Variants in CCSER1 observed in about 807,000 individuals in gnomAD.
CCSER1 encodes the protein serine-rich coiled-coil domain-containing protein 1.
In CCSER1, 41 loss-of-function variants were observed where a neutral mutation model predicts 82.0. That is an observed-to-expected ratio of 0.50 (90% CI 0.39 to 0.65). The LOEUF is 0.65. Ranked by LOEUF, CCSER1 falls within the 30% of genes least tolerant of loss-of-function variation. CCSER1 has a pLI of 0.00. For missense variants in CCSER1, 1,119 were observed against 1,064.2 expected (o/e 1.05, Z -0.72); for synonymous variants, 414 against 383.9 (o/e 1.08, Z -0.92).
intron 10 of CCSER1, among the ~76,000 whole-genome samples, chr4:91,409,945 G>T (rs78846623): frequency 6.6e-6 from 1 of 152,136 alleles, no homozygotes; most frequent in Non-Finnish European, 1.5e-5. Flanking sequence ...GCCTCAGGCC[G>T]TTTACCACAT....
intron 6 of CCSER1, among the ~76,000 whole-genome samples, chr4:90,669,080 A>C (rs1019415998): frequency 6.6e-6 from 1 of 152,076 alleles, no homozygotes; most frequent in Non-Finnish European, 1.5e-5. Context: ...CAATGGAAAT[A>C]TTAAGTGGAA....
At chr4:91,544,946 T>C (rs1469122205) in intron 10 of CCSER1, among the ~76,000 whole-genome samples, 1 of 152,128 alleles carries the variant, frequency 6.6e-6, no homozygotes, top group African/African-American at 2.4e-5. Context: ...TGAGATGCGG[T>C]GGGCTCCATC....
At chr4:90,722,290 T>C (rs1238860377) in intron 6 of CCSER1, among the ~76,000 whole-genome samples, 5 of 151,884 alleles carry the variant, frequency 3.3e-5, no homozygotes, top group African/African-American at 1.2e-4. Context: ...ATAATTCAAC[T>C]ATGAACGAAC....
At chr4:91,223,271 A>C (rs1459069261) in intron 10 of CCSER1, among the ~76,000 whole-genome samples, 1 of 152,140 alleles carries the variant, frequency 6.6e-6, no homozygotes, top group Non-Finnish European at 1.5e-5. Flanking sequence ...TAGAAATCAA[A>C]TAAATTTTGA....
intron 3 of CCSER1, among the ~76,000 whole-genome samples, chr4:90,382,287 G>A (rs1749324985): frequency 6.6e-6 from 1 of 151,902 alleles, no homozygotes; most frequent in African/African-American, 2.4e-5. Context: ...AATGAATATT[G>A]ACATGTATAT....
intron 10 of CCSER1, among the ~76,000 whole-genome samples, chr4:91,472,160 A>G (rs1757317865): frequency 6.6e-6 from 1 of 152,072 alleles, no homozygotes. Flanking sequence ...ATTCACTTGT[A>G]CTTTATCAAT....
At chr4:91,434,124 A>G (rs1296517827) in intron 10 of CCSER1, among the ~76,000 whole-genome samples, 3 of 152,210 alleles carry the variant, frequency 2.0e-5, no homozygotes, top group African/African-American at 4.8e-5. Flanking sequence ...TTCAGAAGGA[A>G]TAAAAGTCAT....
intron 10 of CCSER1, among the ~76,000 whole-genome samples, chr4:91,565,375 C>A (rs1762840989): frequency 6.6e-6 from 1 of 151,912 alleles, no homozygotes; most frequent in South Asian, 2.1e-4. Context: ...ATTGCCTTGG[C>A]TGTTCAGGCT....
intron 10 of CCSER1, among the ~76,000 whole-genome samples, chr4:91,242,553 AC>A (rs1370527507): frequency 6.6e-6 from 1 of 152,206 alleles, no homozygotes; most frequent in Non-Finnish European, 1.5e-5. Flanking sequence ...CTGCAAGAAA[AC>A]ATATGAGAAA....
chr4:90,155,041 TG>T (rs1727779369), intron 1 of CCSER1, among the ~76,000 whole-genome samples: 1 of 152,204 alleles, frequency 6.6e-6, no homozygotes, highest in South Asian at 2.1e-4. Flanking sequence ...CTTATTATTT[TG>T]AGATACATCC....
chr4:90,279,123 C>T (rs1056752360), intron 1 of CCSER1, among the ~76,000 whole-genome samples: 2 of 152,008 alleles, frequency 1.3e-5, no homozygotes, highest in Non-Finnish European at 2.9e-5. Flanking sequence ...CTTCACTCTA[C>T]GTAGCTCCAC....
chr4:91,061,164 G>A (rs1743916274), intron 9 of CCSER1, among the ~76,000 whole-genome samples: 1 of 151,616 alleles, frequency 6.6e-6, no homozygotes, highest in Non-Finnish European at 1.5e-5. Flanking sequence ...CATCTCATTA[G>A]TATCGATAAT....
chr4:91,475,154 CTA>C lies in CCSER1; in HGVS notation c.2218-123416_2218-123415del, dbSNP rs367986155. Among the ~76,000 whole-genome samples the C allele has an allele frequency of 1.2e-3, 182 of 151,440 alleles. 1 individual carries two copies. The highest frequency in any genetic ancestry group is 4.2e-3 in the African/African-American group (172 of 41,358). On this transcript the variant is annotated intron_variant, in intron 10 of 10. Transcript: ENST00000509176. ...ACAATTGTCATTCCTTTGTAAGTGA[CTA>C]TGTTTTAAAGGATGTTGTGTGTGTG...
intron 10 of CCSER1, among the ~76,000 whole-genome samples, chr4:91,155,622 G>A (rs965514743): frequency 6.6e-6 from 1 of 151,840 alleles, no homozygotes; most frequent in African/African-American, 2.4e-5. Context: ...TTTGTCTTAT[G>A]AATGATATAG....
At chr4:91,325,780 C>T (rs776036348) in intron 10 of CCSER1, among the ~76,000 whole-genome samples, 2 of 152,158 alleles carry the variant, frequency 1.3e-5, no homozygotes, top group Non-Finnish European at 2.9e-5. Flanking sequence ...CTTCAGCCTT[C>T]TCCATCTTCA....
intron 8 of CCSER1, among the ~76,000 whole-genome samples, chr4:90,852,063 C>G (rs1238675107): frequency 1.3e-5 from 2 of 152,088 alleles, no homozygotes; most frequent in Non-Finnish European, 2.9e-5. Flanking sequence ...TTAACTATAA[C>G]AGTAGTTTTA....
intron 10 of CCSER1, among the ~76,000 whole-genome samples, chr4:91,324,523 A>G (rs1464726040): frequency 6.6e-6 from 1 of 152,112 alleles, no homozygotes; most frequent in African/African-American, 2.4e-5. Context: ...GAAAAATATT[A>G]CATAGAACAA....
At chr4:90,496,697 G>A (rs758205506) in intron 5 of CCSER1, among the ~76,000 whole-genome samples, 21 of 151,964 alleles carry the variant, frequency 1.4e-4, no homozygotes, top group Non-Finnish European at 2.8e-4. Context: ...AAAAGTCATC[G>A]GCCAGGCACA....
At chr4:91,212,021 G>A (rs1226608220) in intron 10 of CCSER1, among the ~76,000 whole-genome samples, 1 of 152,034 alleles carries the variant, frequency 6.6e-6, no homozygotes, top group Non-Finnish European at 1.5e-5. Context: ...GACATAGTTT[G>A]CTTGCATTCA....
Sources: gnomAD v4.1 joint callset for allele counts (sites outside exome capture counted in the v4.1 genomes callset) on GRCh38, gnomAD v4.1.1 for gene constraint, MANE v1.5 for transcripts, NCBI Gene and HGNC (gene_info 2026-07-23, HGNC 2026-07-21) for gene names.